Variants in MBP observed in about 807,000 individuals in gnomAD.
MBP encodes the protein Golli-MBP.
Under a neutral mutation model 35.8 loss-of-function variants are expected in MBP, and 16 were observed. The ratio of observed to expected loss-of-function variants is 0.45; its 90% CI spans 0.30 to 0.68. The LOEUF (loss-of-function observed/expected upper bound fraction) is 0.68, where lower values mean the gene tolerates loss of function less well. Among genes scored for constraint, MBP ranks in the 30% least tolerant of loss-of-function variants. The pLI, the probability that MBP is intolerant of heterozygous loss-of-function variation, is 0.08. For synonymous variants in MBP, 143 were observed against 159.6 expected (o/e 0.90, Z 0.78); for missense variants, 380 against 404.7 (o/e 0.94, Z 0.52).
intron 4 of MBP, among the ~76,000 whole-genome samples, chr18:76,993,060 G>T (rs1970041078): frequency 6.6e-6 from 1 of 152,208 alleles, no homozygotes; most frequent in South Asian, 2.1e-4. Flanking sequence ...TGCACCCCTT[G>T]CTCGTGGCCT....
intron 8 of MBP, 57 bp from the exon 9 acceptor site, chr18:76,980,528 G>C (rs1656280352): frequency 3.7e-6 from 5 of 1,360,810 alleles, no homozygotes; most frequent in East Asian, 2.3e-5. Flanking sequence ...TCCCACACCA[G>C]CATCCCCTCT....
intron 8 of MBP, chr18:76,982,923 T>G (rs1441662926): frequency 6.6e-6 from 1 of 152,218 alleles, no homozygotes. Context: ...TAAAAGCTTC[T>G]TACAAAAAAG....
chr18:77,042,780 C>A (rs529508305), intron 3 of MBP, among the ~76,000 whole-genome samples: 10 of 152,254 alleles, frequency 6.6e-5, no homozygotes, highest in African/African-American at 2.2e-4. Flanking sequence ...CAAGCGCCTG[C>A]GCAGTGCCTG....
At chr18:76,980,785 T>C (rs1969148250) in intron 8 of MBP, 1 of 315,762 alleles carries the variant, frequency 3.2e-6, no homozygotes, top group Non-Finnish European at 5.9e-6. Context: ...AGCCGCTCCA[T>C]TGCTTTGCTT....
rs771145377 is a variant in MBP, at chr18:76,990,075, C to T, written c.577-15G>A. On this transcript the variant is annotated splice_polypyrimidine_tract_variant and intron_variant, in intron 4 of 8. Coordinates refer to ENST00000355994, the MANE Select transcript of MBP (RefSeq NM_001025101.2). ...TGGTGTGAGTCCTGAAACACAGAGG[C>T]GCGGTGACCTCAGGACAAGTCCACA... is the stretch of plus-strand genomic sequence containing the variant. 1.9e-6 allele frequency: 3 copies of T among 1,582,890 alleles called. No individual in the cohort carries two copies. Among genetic ancestry groups the T allele is most frequent in the African/African-American group, 1.4e-5 (1 of 74,052 alleles).
intron 3 of MBP, among the ~76,000 whole-genome samples, chr18:77,041,182 C>A (rs1483017851): frequency 3.9e-5 from 6 of 152,220 alleles, no homozygotes; most frequent in African/African-American, 1.4e-4. Flanking sequence ...AAAAAATGCT[C>A]ATCATCACTG....
chr18:77,113,567 C>A (rs1976548548), intron 1 of MBP: 1 of 152,636 alleles, frequency 6.6e-6, no homozygotes. Context: ...TGGAGACTTG[C>A]AGGATGCAGA....
chr18:77,021,559 C>G (rs1231871656), intron 3 of MBP, among the ~76,000 whole-genome samples: 7 of 150,568 alleles, frequency 4.6e-5, no homozygotes, highest in Non-Finnish European at 1.0e-4. Flanking sequence ...TCTCAGCTCA[C>G]CGCAACCTCC....
chr18:76,990,772 T>A (rs1969857584), intron 4 of MBP: 1 of 211,130 alleles, frequency 4.7e-6, no homozygotes, highest in African/African-American at 2.4e-5. Context: ...CAACTAGTGA[T>A]CTGGATTTTT....
intron 4 of MBP, among the ~76,000 whole-genome samples, chr18:77,008,884 G>A (rs148494890): frequency 2.1e-4 from 32 of 152,306 alleles, no homozygotes; most frequent in African/African-American, 6.0e-4. Flanking sequence ...CCTGTCCCCC[G>A]TGCTCCTGTG....
intron 3 of MBP, among the ~76,000 whole-genome samples, chr18:77,054,275 T>G (rs1040684970): frequency 6.6e-6 from 1 of 152,246 alleles, no homozygotes; most frequent in African/African-American, 2.4e-5. Flanking sequence ...CCACCTGCGC[T>G]GACACAGCTG....
intron 3 of MBP, among the ~76,000 whole-genome samples, chr18:77,056,996 G>A (rs1973752174): frequency 6.6e-6 from 1 of 152,104 alleles, no homozygotes; most frequent in Non-Finnish European, 1.5e-5. Flanking sequence ...TGAGAAGCAG[G>A]GGGTCTTTGG....
At chr18:77,075,957 A>G (rs968895535) in intron 2 of MBP, among the ~76,000 whole-genome samples, 1 of 152,228 alleles carries the variant, frequency 6.6e-6, no homozygotes, top group African/African-American at 2.4e-5. Context: ...GCTGATCTGA[A>G]TATCATACCT....
At chr18:76,996,181 T>C (rs1970257579) in intron 4 of MBP, among the ~76,000 whole-genome samples, 1 of 152,178 alleles carries the variant, frequency 6.6e-6, no homozygotes, top group African/African-American at 2.4e-5. Context: ...AATGCCAACA[T>C]TCCCAAGTGC....
rs540022394 is a variant in MBP at position 77,025,705 on chromosome 18, CTTTT to C, written c.140-8441_140-8438del. On this transcript the variant is annotated intron_variant, in intron 3 of 8. Transcript: ENST00000355994. The stretch of plus-strand genomic sequence containing the variant: ...GCGGACACTGTCCTCTATTGAAATA[CTTTT>C]TTTTTTTTTTTTTTTTACCTAGAGC... Among the ~76,000 whole-genome samples the C allele has an allele frequency of 2.8e-4, 31 of 108,790 alleles. 1 individual carries two copies. The East Asian group carries it at 7.4e-3, about 26-fold the overall frequency. 71.4% of individuals were successfully genotyped at this position (108,790 alleles called of 152,430 possible).
At chr18:76,997,808 G>A (rs537862957) in intron 4 of MBP, among the ~76,000 whole-genome samples, 90 of 151,148 alleles carry the variant, frequency 6.0e-4, no homozygotes, top group African/African-American at 2.1e-3. Context: ...TCAACCTCCC[G>A]AGTAGCTGGG....
At chr18:77,111,321 G>C (rs1976443247) in intron 1 of MBP, among the ~76,000 whole-genome samples, 1 of 152,182 alleles carries the variant, frequency 6.6e-6, no homozygotes, top group Admixed American at 6.5e-5. Flanking sequence ...ATCAGAAAAG[G>C]CTTCTCTGAC....
intron 8 of MBP, 66 bp from the exon 9 acceptor site, chr18:76,980,537 C>G: frequency 7.9e-7 from 1 of 1,266,604 alleles, no homozygotes; most frequent in South Asian, 1.2e-5. Context: ...AGCATCCCCT[C>G]TTCTGTGGTC....
chr18:77,033,452 A>G (rs946600268), intron 3 of MBP, among the ~76,000 whole-genome samples: 1 of 152,118 alleles, frequency 6.6e-6, no homozygotes, highest in Non-Finnish European at 1.5e-5. Context: ...TTGGTGCACA[A>G]TTGGGGCTTT....
Sources: allele counts gnomAD v4.1 joint callset (sites outside exome capture counted in the v4.1 genomes callset), GRCh38; gene constraint gnomAD v4.1.1; transcripts MANE v1.5; gene names NCBI Gene and HGNC (gene_info 2026-07-23, HGNC 2026-07-21).